CADM2: variants seen among roughly 807,000 people sequenced by gnomAD.
CADM2 encodes the protein immunoglobulin superfamily member 4D.
Under a neutral mutation model 49.8 loss-of-function variants are expected in CADM2, and 12 were observed. That is an observed-to-expected ratio of 0.24 (90% CI 0.15 to 0.39). The LOEUF (loss-of-function observed/expected upper bound fraction) is 0.39. Ranked by LOEUF, CADM2 falls within the 10% of genes least tolerant of loss-of-function variation. The pLI, the probability that CADM2 is intolerant of heterozygous loss-of-function variation, is 1.00. For synonymous variants in CADM2, 214 were observed against 175.4 expected, an observed-to-expected ratio of 1.22 and a Z score of -1.74; for missense variants, 378 against 492.3, an observed-to-expected ratio of 0.77 and a Z score of 2.20.
intron 1 of CADM2, among the ~76,000 whole-genome samples, chr3:85,711,532 G>T (rs927076284): frequency 6.6e-6 from 1 of 152,086 alleles, no homozygotes; most frequent in Admixed American, 6.6e-5. Context: ...ACTTTCTGAA[G>T]AATTCATATT....
chr3:85,957,973 G>T (rs1268059969), intron 7 of CADM2, among the ~76,000 whole-genome samples: 1 of 151,936 alleles, frequency 6.6e-6, no homozygotes, highest in African/African-American at 2.4e-5. Context: ...GCTTCTTTCT[G>T]CACAGCAAAA....
At chr3:85,852,653 C>T (rs2108296002) in intron 3 of CADM2, among the ~76,000 whole-genome samples, 1 of 152,178 alleles carries the variant, frequency 6.6e-6, no homozygotes, top group East Asian at 1.9e-4. Flanking sequence ...AATCTAGAAA[C>T]ATAATTTTAG....
intron 1 of CADM2, among the ~76,000 whole-genome samples, chr3:85,550,962 ATTTATTTG>A (rs1038329821): frequency 4.7e-5 from 6 of 128,320 alleles, no homozygotes; most frequent in South Asian, 2.3e-4. Context: ...ATTTTAATTT[ATTTATTTG>A]TTTGTTTGTT....
chr3:85,408,565 G>GAGTT (rs1204455715), intron 1 of CADM2, among the ~76,000 whole-genome samples: 3 of 152,132 alleles, frequency 2.0e-5, no homozygotes, highest in African/African-American at 4.8e-5. Flanking sequence ...GCCACCCAAT[G>GAGTT]AGTTAGATTT....
At chr3:85,982,226 C>CT (rs35773946) in intron 8 of CADM2, among the ~76,000 whole-genome samples, 3 of 151,542 alleles carry the variant, frequency 2.0e-5, no homozygotes, top group Non-Finnish European at 4.4e-5. Flanking sequence ...GGTAAATTCA[C>CT]TTTTTTTCAG....
intron 8 of CADM2, among the ~76,000 whole-genome samples, chr3:85,965,540 C>T (rs756691734): frequency 9.9e-5 from 15 of 151,208 alleles, no homozygotes; most frequent in Non-Finnish European, 1.6e-4. Flanking sequence ...TGAAAGCTAC[C>T]GGAACATAAA....
rs111322645 is a variant in CADM2 at position 85,354,251 on chromosome 3, C to T, written c.62-372271C>T. Among the ~76,000 whole-genome samples the T allele has an allele frequency of 3.8e-3, 554 of 147,668 alleles. 1 individual carries two copies. The highest frequency in any genetic ancestry group is 0.012 in the African/African-American group (484 of 40,074). ...ATATGAATTTTGGAGAATCATTATTCATATGTCGAAATAAATCATATCAAA... is the reference window on the plus strand; with the variant it reads ...ATATGAATTTTGGAGAATCATTATTTATATGTCGAAATAAATCATATCAAA... On this transcript the variant is annotated intron_variant, in intron 1 of 9. Transcript: ENST00000383699.
intron 1 of CADM2, among the ~76,000 whole-genome samples, chr3:85,235,521 T>C: frequency 6.6e-6 from 1 of 152,252 alleles, no homozygotes; most frequent in Middle Eastern, 3.4e-3. Flanking sequence ...AACATAAAAT[T>C]GAAATGCTAT....
At chr3:85,939,568 C>A (rs530810620) in intron 7 of CADM2, among the ~76,000 whole-genome samples, 10 of 151,368 alleles carry the variant, frequency 6.6e-5, no homozygotes, top group African/African-American at 2.4e-4. Context: ...CCCCAACACG[C>A]TGTAAATAAT....
intron 1 of CADM2, among the ~76,000 whole-genome samples, chr3:85,210,886 A>C (rs1057381465): frequency 2.0e-5 from 3 of 152,136 alleles, no homozygotes; most frequent in Admixed American, 6.6e-5. Flanking sequence ...ATGTTTGGTA[A>C]AATTCAGCAG....
chr3:85,283,510 C>G (rs1457407039), intron 1 of CADM2, among the ~76,000 whole-genome samples: 1 of 151,850 alleles, frequency 6.6e-6, no homozygotes, highest in Non-Finnish European at 1.5e-5. Flanking sequence ...ATTTAACAAG[C>G]AGAAAATATT....
At chr3:85,108,458 G>T (rs2107563085) in intron 1 of CADM2, among the ~76,000 whole-genome samples, 1 of 152,224 alleles carries the variant, frequency 6.6e-6, no homozygotes, top group Admixed American at 6.6e-5. Context: ...AACAATGCAT[G>T]ATTCCACTTC....
At chr3:85,093,493 A>G (rs1216413465) in intron 1 of CADM2, among the ~76,000 whole-genome samples, 1 of 145,586 alleles carries the variant, frequency 6.9e-6, no homozygotes, top group African/African-American at 2.5e-5. Flanking sequence ...TCTCAAAAAG[A>G]AAAAAAAAAA....
intron 1 of CADM2, among the ~76,000 whole-genome samples, chr3:85,330,813 A>T (rs541500339): frequency 1.6e-3 from 226 of 140,370 alleles, no homozygotes; most frequent in African/African-American, 5.7e-3. Flanking sequence ...AAAAAAAAAT[A>T]GCTCGGCACG....
intron 7 of CADM2, among the ~76,000 whole-genome samples, chr3:85,946,416 T>C (rs977039375): frequency 3.3e-5 from 5 of 151,844 alleles, no homozygotes; most frequent in Non-Finnish European, 7.4e-5. Context: ...CTTCACAGAA[T>C]TGGAAAAAAC....
chr3:85,222,196 G>A (rs2042059380), intron 1 of CADM2, among the ~76,000 whole-genome samples: 1 of 152,106 alleles, frequency 6.6e-6, no homozygotes, highest in African/African-American at 2.4e-5. Context: ...TACGTCTGTC[G>A]TATATCTGAT....
intron 1 of CADM2, among the ~76,000 whole-genome samples, chr3:85,007,341 G>A (rs964186127): frequency 3.9e-5 from 6 of 152,066 alleles, no homozygotes; most frequent in Admixed American, 3.3e-4. Context: ...GTGAAACAAA[G>A]AGTCTCTGTG....
chr3:85,007,463 G>A (rs1358852363), intron 1 of CADM2, among the ~76,000 whole-genome samples: 2 of 152,132 alleles, frequency 1.3e-5, no homozygotes, highest in African/African-American at 4.8e-5. Context: ...AATGTCCAAA[G>A]TTTCTCAACC....
intron 1 of CADM2, among the ~76,000 whole-genome samples, chr3:85,016,325 A>G (rs2034247097): frequency 6.6e-6 from 1 of 152,208 alleles, no homozygotes; most frequent in Non-Finnish European, 1.5e-5. Flanking sequence ...AGCCAAAACC[A>G]TTTCCAACAA....
Sources: allele counts gnomAD v4.1 joint callset (sites outside exome capture counted in the v4.1 genomes callset), GRCh38; gene constraint gnomAD v4.1.1; transcripts MANE v1.5; gene names NCBI Gene and HGNC (gene_info 2026-07-23, HGNC 2026-07-21).